NR3C2: variants seen among roughly 807,000 people sequenced by gnomAD.
NR3C2 encodes nuclear receptor subfamily 3 group C member 2.
A neutral mutation model predicts 86.4 loss-of-function variants in NR3C2; 15 were observed. The ratio of observed to expected loss-of-function variants is 0.17; its 90% CI spans 0.12 to 0.27. NR3C2 has a LOEUF of 0.27. Ranked by LOEUF, NR3C2 falls within the 10% of genes least tolerant of loss-of-function variation. The probability of loss-of-function intolerance (pLI) is 1.00; values close to 1 mark genes in which losing one functional copy is unlikely to be tolerated. For missense variants in NR3C2, 960 were observed against 1,195.6 expected (o/e 0.80, Z 2.91); for synonymous variants, 458 against 450.5 (o/e 1.02, Z -0.21).
chr4:148,415,975 T>C (rs1260844767), intron 2 of NR3C2, among the ~76,000 whole-genome samples: 1 of 152,152 alleles, frequency 6.6e-6, no homozygotes, highest in Non-Finnish European at 1.5e-5. Context: ...TTCTTCCCAC[T>C]GAGAATAAAA....
At chr4:148,100,109 G>A (rs959740070) in intron 8 of NR3C2, among the ~76,000 whole-genome samples, 1 of 152,188 alleles carries the variant, frequency 6.6e-6, no homozygotes, top group Non-Finnish European at 1.5e-5. Flanking sequence ...GATGAAGCAC[G>A]AGGAGCTGGT....
At chr4:148,424,574 A>G (rs1749438326) in intron 2 of NR3C2, among the ~76,000 whole-genome samples, 1 of 152,238 alleles carries the variant, frequency 6.6e-6, no homozygotes. Context: ...AAAATGTGAT[A>G]TAGCCATAAA....
intron 6 of NR3C2, among the ~76,000 whole-genome samples, chr4:148,129,453 ATACTAC>A (rs1159454521): frequency 1.3e-5 from 2 of 152,200 alleles, no homozygotes; most frequent in African/African-American, 4.8e-5. Context: ...CAACAATGTA[ATACTAC>A]TACTGAACTG....
intron 2 of NR3C2, among the ~76,000 whole-genome samples, chr4:148,270,801 T>G (rs1579089326): frequency 1.3e-5 from 2 of 152,318 alleles, no homozygotes; most frequent in East Asian, 1.9e-4. Flanking sequence ...CCCAATATAC[T>G]TCAGGACTGA....
At chr4:148,245,166 C>T (rs1739257272) in intron 3 of NR3C2, among the ~76,000 whole-genome samples, 1 of 152,088 alleles carries the variant, frequency 6.6e-6, no homozygotes, top group African/African-American at 2.4e-5. Flanking sequence ...GGCACATGTC[C>T]AGTCTGACAA....
intron 8 of NR3C2, among the ~76,000 whole-genome samples, chr4:148,102,084 G>C (rs545467993): frequency 6.6e-6 from 1 of 152,198 alleles, no homozygotes; most frequent in Non-Finnish European, 1.5e-5. Flanking sequence ...CCCCTCGTTG[G>C]CAAAATGGGG....
At chr4:148,265,286 ACAGT>A (rs564087992) in intron 2 of NR3C2, among the ~76,000 whole-genome samples, 10 of 152,334 alleles carry the variant, frequency 6.6e-5, no homozygotes, top group African/African-American at 1.9e-4. Flanking sequence ...GATTTTGGTG[ACAGT>A]CAGGAGGAAA....
intron 2 of NR3C2, among the ~76,000 whole-genome samples, chr4:148,332,147 T>C (rs955788834): frequency 8.5e-5 from 13 of 152,326 alleles, no homozygotes; most frequent in African/African-American, 1.9e-4. Flanking sequence ...CTAAAAATCA[T>C]TGAATTCTAT....
rs758587657 is a variant in NR3C2 at position 148,186,680 on chromosome 4, G to A, written c.2014+8066C>T. 2.6e-5 allele frequency among the ~76,000 whole-genome samples: 4 copies of A among 151,776 alleles called. No homozygotes were observed. In the South Asian group the frequency reaches 8.3e-4, roughly 32 times the overall value. On this transcript the variant is annotated intron_variant, in intron 4 of 8. Transcript: ENST00000358102. The stretch of plus-strand genomic sequence containing the variant: ...GGTTACATGAATAAGTTCTTTAGTG[G>A]TGATTTGTGAGATTTTGGTGCACCC...
rs370178714 is a variant in NR3C2, at chr4:148,286,737, ATGAT to A, written c.1758-26624_1758-26621del. 6.2e-3 allele frequency among the ~76,000 whole-genome samples: 941 copies of A among 152,330 alleles called. 8 individuals are homozygous for A. Among genetic ancestry groups the A allele is most frequent in the African/African-American group, 0.022 (913 of 41,562 alleles). ...GATACAGGGTTAAAAAAATGCTTCT[ATGAT>A]TGTACACAGATTTCAATAAATTCAA... On this transcript the variant is annotated intron_variant, in intron 2 of 8. Transcript: ENST00000358102.
chr4:148,370,404 G>A lies in NR3C2; in HGVS notation c.1757+64700C>T, dbSNP rs116197904. ...AAAAATACTAAGCAAGGAGATGGTT[G>A]CTATTCACTTTTATTTTGTTAAAGT... is the stretch of plus-strand genomic sequence containing the variant. On this transcript the variant is annotated intron_variant, in intron 2 of 8. Transcript: ENST00000358102. Among the ~76,000 whole-genome samples, 1,509 of 152,282 alleles carry A rather than the reference G, an allele frequency of 9.9e-3. 22 individuals carry two copies. The highest frequency in any genetic ancestry group is 0.034 in the African/African-American group (1,422 of 41,560).
chr4:148,160,193 C>A (rs34043561), intron 4 of NR3C2, among the ~76,000 whole-genome samples: 2,802 of 152,252 alleles, frequency 0.018, 38 homozygotes, highest in Middle Eastern at 0.037. Flanking sequence ...TGCTGGGAGA[C>A]AACTCCTTAG....
At chr4:148,083,644 A>G (rs986850979) in intron 8 of NR3C2, among the ~76,000 whole-genome samples, 1 of 152,194 alleles carries the variant, frequency 6.6e-6, no homozygotes, top group African/African-American at 2.4e-5. Context: ...ACAAAGGATC[A>G]CAACTCCTCG....
At chr4:148,195,757 G>A (rs576208214) in intron 3 of NR3C2, among the ~76,000 whole-genome samples, 3 of 152,300 alleles carry the variant, frequency 2.0e-5, no homozygotes, top group African/African-American at 7.2e-5. Context: ...TAGAGAGGAA[G>A]GTGAGGGCTG....
At chr4:148,369,043 A>G (rs973399205) in intron 2 of NR3C2, among the ~76,000 whole-genome samples, 7 of 152,202 alleles carry the variant, frequency 4.6e-5, no homozygotes. Context: ...CATTAACTAC[A>G]TTCTGTAAAA....
At chr4:148,084,987 C>T (rs1730746657) in intron 8 of NR3C2, among the ~76,000 whole-genome samples, 1 of 152,008 alleles carries the variant, frequency 6.6e-6, no homozygotes. Context: ...AATACAGGAC[C>T]ACCCAGATTC....
chr4:148,376,057 A>G (rs1746661576), intron 2 of NR3C2, among the ~76,000 whole-genome samples: 1 of 151,748 alleles, frequency 6.6e-6, no homozygotes, highest in Admixed American at 6.6e-5. Context: ...TACATTGGTC[A>G]TGAAAGGACA....
At chr4:148,442,814 G>A (rs1750420942), upstream of NR3C2, 7 of 985,316 alleles carry the variant, frequency 7.1e-6, no homozygotes, top group Admixed American at 6.1e-5. Context: ...TCGCTCGGCC[G>A]CCCCAAACTT....
intron 8 of NR3C2, among the ~76,000 whole-genome samples, chr4:148,089,995 G>A (rs956005621): frequency 6.6e-6 from 1 of 152,334 alleles, no homozygotes; most frequent in African/African-American, 2.4e-5. Flanking sequence ...CCACAAGGAC[G>A]AGTGTCTGGT....
Sources: allele counts gnomAD v4.1 joint callset (sites outside exome capture counted in the v4.1 genomes callset), GRCh38; gene constraint gnomAD v4.1.1; transcripts MANE v1.5; gene names NCBI Gene and HGNC (gene_info 2026-07-23, HGNC 2026-07-21).